The following PLA2R1 variants were observed in gnomAD, a reference collection of about 807,000 sequenced individuals.
PLA2R1 encodes phospholipase A2 receptor 1.
A neutral mutation model predicts 195.9 loss-of-function variants in PLA2R1; 158 were observed. The ratio of observed to expected loss-of-function variants is 0.81; its 90% confidence interval spans 0.71 to 0.92. The LOEUF is 0.92. Ranked by LOEUF, PLA2R1 falls within the 40% of genes least tolerant of loss-of-function variation. PLA2R1 has a pLI of 0.00. For missense variants in PLA2R1, 1,626 were observed against 1,764.6 expected (o/e 0.92, Z 1.41); for synonymous variants, 586 against 598.2 (o/e 0.98, Z 0.30).
At chr2:160,033,412 G>A (rs1173896248) in intron 3 of PLA2R1, among the ~76,000 whole-genome samples, 10 of 152,158 alleles carry the variant, frequency 6.6e-5, no homozygotes, top group Admixed American at 6.5e-4. Context: ...TTTAAGAGAA[G>A]GAAGTAGAAG....
At chr2:160,042,872 AG>A (rs1694627003) in intron 2 of PLA2R1, among the ~76,000 whole-genome samples, 1 of 151,064 alleles carries the variant, frequency 6.6e-6, no homozygotes, top group Non-Finnish European at 1.5e-5. Context: ...AGAGAGAGAG[AG>A]AGAGAAAGTG....
At chr2:159,956,723 T>C in intron 20 of PLA2R1, 96 bp from the exon 21 acceptor site, 1 of 749,586 alleles carries the variant, frequency 1.3e-6, no homozygotes, top group Admixed American at 2.1e-5. Flanking sequence ...TTGAAAATTC[T>C]TTATAATTTT....
chr2:159,999,145 C>T (rs1691423957), intron 11 of PLA2R1, among the ~76,000 whole-genome samples: 1 of 152,112 alleles, frequency 6.6e-6, no homozygotes, highest in Non-Finnish European at 1.5e-5. Flanking sequence ...CTTCAGCAGA[C>T]ACTGAATCTG....
At chr2:160,005,892 G>T in intron 10 of PLA2R1, 71 bp from the exon 11 acceptor site, 1 of 1,012,830 alleles carries the variant, frequency 9.9e-7, no homozygotes, top group Non-Finnish European at 1.5e-6. Context: ...AAAGCATAAT[G>T]AAGTGCACAG....
At chr2:159,956,440 G>A (rs192222929) in intron 21 of PLA2R1, 70 bp downstream of exon 21, 2 of 820,992 alleles carry the variant, frequency 2.4e-6, no homozygotes, top group East Asian at 4.9e-5. Flanking sequence ...AGTATAGGTG[G>A]GGGGGATATT....
At chr2:159,947,789 A>C (rs556804626) in intron 25 of PLA2R1, among the ~76,000 whole-genome samples, 1 of 152,360 alleles carries the variant, frequency 6.6e-6, no homozygotes, top group African/African-American at 2.4e-5. Flanking sequence ...GTTAAGGCAC[A>C]GCTTTGTAGG....
At chr2:159,983,142 A>T (rs1248596670) in intron 13 of PLA2R1, among the ~76,000 whole-genome samples, 1 of 152,198 alleles carries the variant, frequency 6.6e-6, no homozygotes, top group Non-Finnish European at 1.5e-5. Context: ...GCTCAAACTG[A>T]GGGGAGGCAG....
chr2:160,040,437 G>A (rs1484996873), intron 3 of PLA2R1, among the ~76,000 whole-genome samples: 1 of 152,138 alleles, frequency 6.6e-6, no homozygotes, highest in Non-Finnish European at 1.5e-5. Context: ...TATTATCCCT[G>A]TATATAGATG....
intron 25 of PLA2R1, among the ~76,000 whole-genome samples, chr2:159,947,874 A>G (rs1687484469): frequency 1.3e-5 from 2 of 149,922 alleles, no homozygotes; most frequent in Non-Finnish European, 1.5e-5. Context: ...TGGAACAAGC[A>G]GGGGCTATGA....
At chr2:159,947,036 T>C in intron 26 of PLA2R1, 119 bp from the exon 27 acceptor site, 1 of 678,474 alleles carries the variant, frequency 1.5e-6, no homozygotes, top group Non-Finnish European at 2.5e-6. Flanking sequence ...ATTTCCATTA[T>C]AAAGAAGAGA....
chr2:159,956,564 A>C lies in PLA2R1; in HGVS notation c.2968T>G (p.Phe990Val). 1.2e-6 allele frequency: 2 copies of C among 1,613,906 alleles called. No homozygotes were observed. The highest frequency in any genetic ancestry group is 1.7e-6 in the Non-Finnish European group (2 of 1,179,808). Reference sequence around the variant, plus strand: ...AGGGTCCCCCCTTCTTCAGCACAGAAATGTTGAGCATGCGTCCAGTTCTTC... The same window carrying C: ...AGGGTCCCCCCTTCTTCAGCACAGACATGTTGAGCATGCGTCCAGTTCTTC... ...SWKNWTHAQH[F>V]CAEEGGTLVA... The change falls in exon 21 of 30, where the codon TTC (phenylalanine) becomes GTC (valine). Residue 990 changes from phenylalanine to valine, a missense_variant. Phe to Val is a conservative substitution (Grantham distance 50). Coordinates refer to ENST00000283243, the MANE Select transcript of PLA2R1 (RefSeq NM_007366.5).
intron 7 of PLA2R1, among the ~76,000 whole-genome samples, chr2:160,021,097 A>G (rs1203125826): frequency 1.3e-5 from 2 of 152,244 alleles, no homozygotes; most frequent in Non-Finnish European, 2.9e-5. Context: ...ATGATAGTCT[A>G]GCTTAAAGAT....
At chr2:159,980,118 T>C (rs1283491256) in intron 13 of PLA2R1, among the ~76,000 whole-genome samples, 1 of 152,214 alleles carries the variant, frequency 6.6e-6, no homozygotes, top group African/African-American at 2.4e-5. Context: ...CAGCTGATGC[T>C]ACTGGCAGGA....
intron 8 of PLA2R1, 78 bp downstream of exon 8, chr2:160,020,028 C>T: frequency 9.1e-7 from 1 of 1,094,254 alleles, no homozygotes; most frequent in Admixed American, 2.2e-5. Context: ...TGGTCTCTGC[C>T]ACAGCCCAAA....
At chr2:159,992,337 T>C (rs543886609) in intron 11 of PLA2R1, among the ~76,000 whole-genome samples, 1 of 151,908 alleles carries the variant, frequency 6.6e-6, no homozygotes, top group East Asian at 1.9e-4. Context: ...AAAATCAATG[T>C]ACAAAAATCA....
intron 5 of PLA2R1, among the ~76,000 whole-genome samples, 186 bp from the exon 6 acceptor site, chr2:160,028,547 T>C (rs1022321757): frequency 3.3e-5 from 5 of 152,176 alleles, no homozygotes; most frequent in Non-Finnish European, 5.9e-5. Context: ...TCCCAAAGAT[T>C]CCAAAAGACC....
At chr2:160,050,342 CG>C in intron 1 of PLA2R1, among the ~76,000 whole-genome samples, 1 of 152,256 alleles carries the variant, frequency 6.6e-6, no homozygotes, top group South Asian at 2.1e-4. Context: ...GGAAGGAAGA[CG>C]GGTGTGGCAG....
chr2:160,060,253 A>G (rs1197496499), intron 1 of PLA2R1, among the ~76,000 whole-genome samples: 1 of 152,244 alleles, frequency 6.6e-6, no homozygotes, highest in African/African-American at 2.4e-5. Context: ...AATGTGGTAC[A>G]GTGAACACAG....
chr2:159,944,797 T>A, intron 28 of PLA2R1, 109 bp downstream of exon 28: 1 of 780,978 alleles, frequency 1.3e-6, no homozygotes, highest in South Asian at 1.7e-5. Context: ...TCAGAATCTA[T>A]CTGAATACTC....
Sources: gnomAD v4.1 joint callset for allele counts (sites outside exome capture counted in the v4.1 genomes callset) on GRCh38, gnomAD v4.1.1 for gene constraint, MANE v1.5 for transcripts, NCBI Gene and HGNC (gene_info 2026-07-23, HGNC 2026-07-21) for gene names.